PDE4D: variants seen among roughly 807,000 people sequenced by gnomAD.
PDE4D encodes 3',5'-cyclic-AMP phosphodiesterase 4D.
In PDE4D, 24 loss-of-function variants were observed where a neutral mutation model predicts 87.4. That is an observed-to-expected ratio of 0.27 (90% CI 0.20 to 0.39). The LOEUF is 0.39. Among genes scored for constraint, PDE4D ranks in the 10% least tolerant of loss-of-function variants. The pLI is 1.00. For synonymous variants in PDE4D, 384 were observed against 383.2 expected (o/e 1.00, Z -0.02); for missense variants, 714 against 1,041.0 (o/e 0.69, Z 4.32).
intron 1 of PDE4D, among the ~76,000 whole-genome samples, chr5:59,240,966 T>C (rs1038069750): frequency 6.6e-6 from 1 of 152,144 alleles, no homozygotes; most frequent in Non-Finnish European, 1.5e-5. Context: ...ATTTTAAAAA[T>C]GGGAATGAAA....
intron 1 of PDE4D, among the ~76,000 whole-genome samples, chr5:59,883,985 T>G (rs1017813568): frequency 2.6e-5 from 4 of 152,086 alleles, no homozygotes; most frequent in African/African-American, 9.7e-5. Context: ...ACGAAATAAG[T>G]TGAAAATATT....
At chr5:60,000,788 C>G (rs1156395858) in intron 2 of PDE4D, among the ~76,000 whole-genome samples, 1 of 151,978 alleles carries the variant, frequency 6.6e-6, no homozygotes, top group Non-Finnish European at 1.5e-5. Flanking sequence ...CATAAATGGG[C>G]AGAGATATAA....
chr5:60,123,424 A>C (rs1241694647), intron 2 of PDE4D, among the ~76,000 whole-genome samples: 2 of 152,196 alleles, frequency 1.3e-5, no homozygotes, highest in African/African-American at 4.8e-5. Flanking sequence ...GGTACTTCTT[A>C]CACGTCAGTG....
intron 6 of PDE4D, among the ~76,000 whole-genome samples, chr5:59,025,977 A>G (rs1313041772): frequency 6.6e-6 from 1 of 152,250 alleles, no homozygotes; most frequent in Non-Finnish European, 1.5e-5. Flanking sequence ...AGCAGACCAG[A>G]GATGCTGATG....
intron 1 of PDE4D, among the ~76,000 whole-genome samples, chr5:60,399,971 T>C (rs1453810497): frequency 6.6e-6 from 1 of 152,186 alleles, no homozygotes; most frequent in African/African-American, 2.4e-5. Context: ...GGATATATGA[T>C]ATAAAAGGAC....
intron 1 of PDE4D, among the ~76,000 whole-genome samples, chr5:60,214,159 T>C (rs1283305659): frequency 6.6e-6 from 1 of 152,184 alleles, no homozygotes; most frequent in East Asian, 1.9e-4. Flanking sequence ...TACATACATA[T>C]GAAAACTTTA....
At chr5:59,549,726 G>A (rs959916837) in intron 1 of PDE4D, among the ~76,000 whole-genome samples, 10 of 151,972 alleles carry the variant, frequency 6.6e-5, no homozygotes, top group Admixed American at 3.3e-4. Flanking sequence ...GTGAGAAAGC[G>A]CTATATATAT....
intron 5 of PDE4D, among the ~76,000 whole-genome samples, chr5:59,086,825 T>C (rs1293421272): frequency 1.3e-5 from 2 of 152,154 alleles, no homozygotes. Flanking sequence ...TTTTACTCTA[T>C]AAATAACTAT....
chr5:60,191,686 C>A (rs955643472), intron 1 of PDE4D, among the ~76,000 whole-genome samples: 1 of 152,176 alleles, frequency 6.6e-6, no homozygotes, highest in Non-Finnish European at 1.5e-5. Flanking sequence ...TTCCATACTG[C>A]AAGTTGTATG....
At chr5:60,341,203 A>G (rs1209734230) in intron 1 of PDE4D, among the ~76,000 whole-genome samples, 1 of 152,208 alleles carries the variant, frequency 6.6e-6, no homozygotes, top group Non-Finnish European at 1.5e-5. Context: ...CTAGAGCCAC[A>G]GAGATCATTA....
At chr5:59,446,177 TA>T (rs1226515408) in intron 1 of PDE4D, among the ~76,000 whole-genome samples, 4 of 152,158 alleles carry the variant, frequency 2.6e-5, no homozygotes, top group East Asian at 3.8e-4. Flanking sequence ...CTTTTATGTA[TA>T]AAAATATATA....
intron 1 of PDE4D, among the ~76,000 whole-genome samples, chr5:59,247,144 G>A (rs1284338794): frequency 2.0e-5 from 3 of 152,128 alleles, no homozygotes; most frequent in Non-Finnish European, 2.9e-5. Flanking sequence ...TGAAATAAAT[G>A]CCTCTGCCAT....
At chr5:59,839,774 G>A (rs1280490803) in intron 1 of PDE4D, among the ~76,000 whole-genome samples, 7 of 152,024 alleles carry the variant, frequency 4.6e-5, no homozygotes, top group Non-Finnish European at 8.8e-5. Context: ...GGAAATCACA[G>A]TGGAACTGTG....
intron 1 of PDE4D, among the ~76,000 whole-genome samples, chr5:60,263,981 A>G (rs1482476559): frequency 6.6e-6 from 1 of 151,972 alleles, no homozygotes; most frequent in Non-Finnish European, 1.5e-5. Flanking sequence ...ACTACATGTG[A>G]AAAAATAATA....
chr5:59,997,263 T>C (rs1763604516), intron 2 of PDE4D, among the ~76,000 whole-genome samples: 1 of 152,144 alleles, frequency 6.6e-6, no homozygotes. Flanking sequence ...GAAAAGAAAC[T>C]AACATTGTTT....
At chr5:59,040,918 CT>C (rs1759569376) in intron 5 of PDE4D, among the ~76,000 whole-genome samples, 1 of 152,128 alleles carries the variant, frequency 6.6e-6, no homozygotes, top group Non-Finnish European at 1.5e-5. Context: ...TTTATGTGAA[CT>C]TTGTAAAAGT....
At chr5:60,386,382 T>A (rs1470644768) in intron 1 of PDE4D, among the ~76,000 whole-genome samples, 1 of 152,252 alleles carries the variant, frequency 6.6e-6, no homozygotes, top group East Asian at 1.9e-4. Flanking sequence ...AATACATTCA[T>A]GGATATTTTG....
chr5:59,871,545 G>T (rs1747820241), intron 1 of PDE4D, among the ~76,000 whole-genome samples: 1 of 152,204 alleles, frequency 6.6e-6, no homozygotes, highest in Non-Finnish European at 1.5e-5. Context: ...ATATAATGAT[G>T]TTTGGTGCTG....
At chr5:60,144,169 T>A (rs1444326419) in intron 2 of PDE4D, among the ~76,000 whole-genome samples, 1 of 152,148 alleles carries the variant, frequency 6.6e-6, no homozygotes, top group African/African-American at 2.4e-5. Flanking sequence ...TTTGGTCACA[T>A]TGGAACTCAT....
Sources: gnomAD v4.1 joint callset for allele counts (sites outside exome capture counted in the v4.1 genomes callset) on GRCh38, gnomAD v4.1.1 for gene constraint, MANE v1.5 for transcripts, NCBI Gene and HGNC (gene_info 2026-07-23, HGNC 2026-07-21) for gene names.